DUSP3: variants seen among roughly 807,000 people sequenced by gnomAD.
The protein encoded by DUSP3 is dual specificity protein phosphatase 3.
DUSP3 carries 7 observed loss-of-function variants against 15.5 expected under a neutral mutation model. The ratio of observed to expected loss-of-function variants is 0.45; its 90% CI spans 0.26 to 0.85. The LOEUF is 0.85. Among genes scored for constraint, DUSP3 ranks in the 40% least tolerant of loss-of-function variants. The pLI is 0.18. For missense variants in DUSP3, 209 were observed against 251.7 expected (o/e 0.83, Z 1.15); for synonymous variants, 86 against 104.2 (o/e 0.83, Z 1.07).
intron 2 of DUSP3, among the ~76,000 whole-genome samples, chr17:43,771,102 G>A (rs1406050013): frequency 6.6e-6 from 1 of 151,276 alleles, no homozygotes; most frequent in Non-Finnish European, 1.5e-5. Context: ...ACCTCCTGCC[G>A]ATACCCAAAT....
At chr17:43,775,449 GGTT>G (rs1319459529) in intron 1 of DUSP3, among the ~76,000 whole-genome samples, 5 of 152,144 alleles carry the variant, frequency 3.3e-5, no homozygotes, top group African/African-American at 1.2e-4. Flanking sequence ...TTCTCCTTGA[GGTT>G]GTTATGAGTA....
At chr17:43,771,017 T>C (rs1974312219) in intron 2 of DUSP3, among the ~76,000 whole-genome samples, 1 of 144,788 alleles carries the variant, frequency 6.9e-6, no homozygotes, top group African/African-American at 2.6e-5. Flanking sequence ...TGTGTGTGTG[T>C]GTGTATGTGT....
Position 43,774,795 on chromosome 17 carries a change from G to C in DUSP3, c.269C>G (p.Ala90Gly). 1.9e-6 allele frequency: 3 copies of C among 1,614,172 alleles called. No homozygotes were observed. The highest frequency in any genetic ancestry group is 2.5e-6 in the Non-Finnish European group (3 of 1,180,034). The change falls in exon 2 of 3, where the codon GCC becomes GGC. Residue 90 changes from alanine to glycine, a missense_variant. Ala to Gly is a moderately conservative substitution (Grantham distance 60, BLOSUM62 0). Coordinates refer to ENST00000226004, the MANE Select transcript of DUSP3 (RefSeq NM_004090.4). Reference sequence around the variant, plus strand: ...GAGGTTGAACTCCTGTGTGTCGTTGGCCTTGATGCCCAGGTATGTGATGCC... The same window carrying C: ...GAGGTTGAACTCCTGTGTGTCGTTGCCCTTGATGCCCAGGTATGTGATGCC... ...DSGITYLGIKANDTQEFNLSA... is the reference protein window; with the variant it reads ...DSGITYLGIKGNDTQEFNLSA...
intron 2 of DUSP3, among the ~76,000 whole-genome samples, chr17:43,772,215 C>T (rs1974328721): frequency 6.6e-6 from 1 of 152,142 alleles, no homozygotes; most frequent in Non-Finnish European, 1.5e-5. Flanking sequence ...TATCACCCTA[C>T]CCCCAAAACA....
intron 2 of DUSP3, among the ~76,000 whole-genome samples, chr17:43,770,195 C>T (rs528076333): frequency 7.9e-5 from 12 of 152,184 alleles, no homozygotes; most frequent in Non-Finnish European, 1.6e-4. Flanking sequence ...CAACACTGCA[C>T]ATCATGGCCC....
Position 43,769,719 on chromosome 17 carries a change from C to A in DUSP3, c.448G>T (p.Ala150Ser), listed in dbSNP as rs774546903. The A allele has an allele frequency of 6.2e-7, 1 of 1,614,002 alleles. No homozygotes were observed. Among genetic ancestry groups the A allele is most frequent in the Non-Finnish European group, 8.5e-7 (1 of 1,179,962 alleles). Residue 150 changes from alanine to serine, a missense_variant, in exon 3 of 3, where the codon GCC becomes TCC. Physicochemically the swap from Ala to Ser is moderately conservative, Grantham distance 99. Coordinates refer to ENST00000226004, the MANE Select transcript of DUSP3 (RefSeq NM_004090.4). ...MMRQKMDVKS[A>S]LSIVRQNREI... ...CGGTTCTGCCTCACGATGCTCAGGG[C>A]AGACTTGACGTCCATCTTCTGCCGC... is the stretch of plus-strand genomic sequence containing the variant.
Position 43,774,774 on chromosome 17 carries a change from T to C in DUSP3, c.290A>G (p.Asn97Ser). The C allele has an allele frequency of 6.2e-7, 1 of 1,614,158 alleles. No homozygotes were observed. The highest frequency in any genetic ancestry group is 8.5e-7 in the Non-Finnish European group (1 of 1,179,998). ...AGCCCTTTCAAAGTAAGCGCTGAGGTTGAACTCCTGTGTGTCGTTGGCCTT... is the reference window on the plus strand; with the variant it reads ...AGCCCTTTCAAAGTAAGCGCTGAGGCTGAACTCCTGTGTGTCGTTGGCCTT... ...GIKANDTQEF[N>S]LSAYFERAAD... Residue 97 changes from asparagine to serine, a missense_variant, in exon 2 of 3, where the codon AAC (asparagine) becomes AGC (serine). Physicochemically the swap from Asn to Ser is conservative, Grantham distance 46. Transcript: ENST00000226004.
intron 1 of DUSP3, 44 bp from the exon 2 acceptor site, chr17:43,774,982 C>T (rs772196678): frequency 6.3e-7 from 1 of 1,592,460 alleles, no homozygotes; most frequent in Non-Finnish European, 8.6e-7. Flanking sequence ...AACCAAATGG[C>T]AGCCCCAGGG....
chr17:43,778,663 G>A (rs1974423319), intron 1 of DUSP3, 137 bp downstream of exon 1: 3 of 1,202,122 alleles, frequency 2.5e-6, no homozygotes, highest in African/African-American at 3.2e-5. Context: ...CCCCTCCCAA[G>A]CCCCCGCTGT....
Position 43,778,949 on chromosome 17 carries a change from C to CG in DUSP3, c.-26dup. 1 of 1,400,104 alleles carries CG rather than the reference C, an allele frequency of 7.1e-7. No individual in the cohort carries two copies. The highest frequency in any genetic ancestry group is 9.4e-7 in the Non-Finnish European group (1 of 1,069,452). The allele number at this position is 1,400,104 out of a possible 1,614,324, so 86.7% of individuals were successfully genotyped here. ...TGGCGGCGGCGGGGCCCTGCACGCC[C>CG]GGCAGGAGCAAGCGAGGCGGAGAGC... On this transcript the variant is annotated 5_prime_UTR_variant, in exon 1 of 3. Transcript: ENST00000226004.
intron 1 of DUSP3, among the ~76,000 whole-genome samples, chr17:43,777,097 G>A (rs567579476): frequency 2.0e-4 from 30 of 151,868 alleles, no homozygotes; most frequent in Admixed American, 3.9e-4. Context: ...CTCAGCCTCC[G>A]GAGTAGCTGG....
At position 43,778,963 on chromosome 17, in the gene DUSP3, G is replaced by C. The variant is rs1029754153; in HGVS notation, c.-39C>G. The C allele has an allele frequency of 1.3e-5, 18 of 1,336,448 alleles. No individual in the cohort carries two copies. The highest frequency in any genetic ancestry group is 2.7e-4 in the Middle Eastern group (1 of 3,716). The allele number at this position is 1,336,448 out of a possible 1,614,324, so 82.8% of individuals were successfully genotyped here. ...CCCTGCACGCCCGGCAGGAGCAAGC[G>C]AGGCGGAGAGCGGCGGATCAGCTGG... On this transcript the variant is annotated 5_prime_UTR_variant, in exon 1 of 3. Transcript: ENST00000226004.
At chr17:43,771,788 C>T (rs979133169) in intron 2 of DUSP3, among the ~76,000 whole-genome samples, 2 of 152,162 alleles carry the variant, frequency 1.3e-5, no homozygotes, top group African/African-American at 4.8e-5. Flanking sequence ...GTGGGCGGAT[C>T]CCCTGAAGTC....
rs190145816 is a variant in DUSP3 at position 43,774,438 on chromosome 17, C to T, written c.352+274G>A. Reference sequence around the variant, plus strand: ...TCGTTACAGCTGTTTGAATGGGGGACGTGTAAGCAACTGGAAACCAACCTC... The same window carrying T: ...TCGTTACAGCTGTTTGAATGGGGGATGTGTAAGCAACTGGAAACCAACCTC... On this transcript the variant is annotated intron_variant, in intron 2 of 2. Transcript: ENST00000226004. 4.3e-3 allele frequency among the ~76,000 whole-genome samples: 658 copies of T among 152,272 alleles called. 4 individuals carry two copies. Among genetic ancestry groups the T allele is most frequent in the African/African-American group, 0.015 (629 of 41,558 alleles).
rs1056583532 is a variant in DUSP3 at position 43,766,953 on chromosome 17, A to T, written c.*2656T>A. Reference sequence around the variant, plus strand: ...CCAGGCAGTAGAAGGCTGTCCAGGAACAGCTCCCATCCGCAGCTGGGCATG... The same window carrying T: ...CCAGGCAGTAGAAGGCTGTCCAGGATCAGCTCCCATCCGCAGCTGGGCATG... On this transcript the variant is annotated 3_prime_UTR_variant, in exon 3 of 3. Coordinates refer to ENST00000226004, the MANE Select transcript of DUSP3 (RefSeq NM_004090.4). 6.6e-6 allele frequency: 1 copy of T among 152,320 alleles called. No homozygotes were observed. The highest frequency in any genetic ancestry group is 2.4e-5 in the African/African-American group (1 of 41,444). 9.4% of individuals were successfully genotyped at this position (152,320 alleles called of 1,614,324 possible).
At chr17:43,777,372 G>A (rs1209739583) in intron 1 of DUSP3, among the ~76,000 whole-genome samples, 1 of 152,156 alleles carries the variant, frequency 6.6e-6, no homozygotes, top group Non-Finnish European at 1.5e-5. Flanking sequence ...CATAAAGCAG[G>A]TGCTCAGACT....
chr17:43,778,784 C>A lies in DUSP3; in HGVS notation c.125+16G>T. The A allele has an allele frequency of 6.6e-7, 1 of 1,516,440 alleles. No homozygotes were observed. Among genetic ancestry groups the A allele is most frequent in the Non-Finnish European group, 8.8e-7 (1 of 1,132,430 alleles). The allele number at this position is 1,516,440 out of a possible 1,614,324, so 93.9% of individuals were successfully genotyped here. On this transcript the variant is annotated intron_variant, in intron 1 of 2. Coordinates refer to ENST00000226004, the MANE Select transcript of DUSP3 (RefSeq NM_004090.4). ...CCGAGAGGGACGGCGGGGCCGGGCTCGCGAAAGGGACTCACGCGTTGCCCA... is the reference window on the plus strand; with the variant it reads ...CCGAGAGGGACGGCGGGGCCGGGCTAGCGAAAGGGACTCACGCGTTGCCCA...
chr17:43,771,047 A>T lies in DUSP3; in HGVS notation c.353-1233T>A, dbSNP rs910606717. 1.3e-3 allele frequency among the ~76,000 whole-genome samples: 187 copies of T among 147,848 alleles called. 1 individual carries two copies. Among genetic ancestry groups the T allele is most frequent in the African/African-American group, 4.5e-3 (181 of 40,112 alleles). On this transcript the variant is annotated intron_variant, in intron 2 of 2. Transcript: ENST00000226004. ...ATGTGTGTGTATATATATATATATA[A>T]ATAGACACCATCTCTCAATATCCAC... is the stretch of plus-strand genomic sequence containing the variant.
chr17:43,774,483 C>T (rs1206010978), intron 2 of DUSP3, among the ~76,000 whole-genome samples: 1 of 152,196 alleles, frequency 6.6e-6, no homozygotes, highest in Non-Finnish European at 1.5e-5. Context: ...TGCAGTCAAA[C>T]GCGAGGACCC....
Sources: allele counts gnomAD v4.1 joint callset (sites outside exome capture counted in the v4.1 genomes callset), GRCh38; gene constraint gnomAD v4.1.1; transcripts MANE v1.5; gene names NCBI Gene and HGNC (gene_info 2026-07-23, HGNC 2026-07-21).